The following SLC10A7 variants were observed in gnomAD, a reference collection of about 807,000 sequenced individuals.
The protein encoded by SLC10A7 is sodium/bile acid cotransporter 7.
SLC10A7 carries 29 observed loss-of-function variants against 43.2 expected under a neutral mutation model. That is an observed-to-expected ratio of 0.67 (90% confidence interval 0.50 to 0.92). The LOEUF (loss-of-function observed/expected upper bound fraction) is 0.92, where lower values mean the gene tolerates loss of function less well. Among genes scored for constraint, SLC10A7 ranks in the 40% least tolerant of loss-of-function variants. The pLI, the probability that SLC10A7 is intolerant of heterozygous loss-of-function variation, is 0.00. For missense variants in SLC10A7, 295 were observed against 403.2 expected, an observed-to-expected ratio of 0.73 and a Z score of 2.30; for synonymous variants, 152 against 144.8, an observed-to-expected ratio of 1.05 and a Z score of -0.35.
chr4:146,333,620 C>A (rs1274335147), intron 5 of SLC10A7, among the ~76,000 whole-genome samples: 1 of 152,064 alleles, frequency 6.6e-6, no homozygotes, highest in Non-Finnish European at 1.5e-5. Flanking sequence ...CATATAGAAA[C>A]TGAAAGCGAA....
At chr4:146,301,662 G>A (rs564331756) in intron 7 of SLC10A7, among the ~76,000 whole-genome samples, 35 of 152,296 alleles carry the variant, frequency 2.3e-4, no homozygotes, top group African/African-American at 7.9e-4. Flanking sequence ...CAAGGGCCAG[G>A]TGTGAAAGAT....
At chr4:146,505,075 C>A (rs954463426) in intron 3 of SLC10A7, among the ~76,000 whole-genome samples, 1 of 152,144 alleles carries the variant, frequency 6.6e-6, no homozygotes, top group African/African-American at 2.4e-5. Flanking sequence ...ATAGATGACA[C>A]AGAGTATCTG....
chr4:146,434,688 T>C (rs1183384251), intron 5 of SLC10A7, among the ~76,000 whole-genome samples: 1 of 152,140 alleles, frequency 6.6e-6, no homozygotes, highest in East Asian at 1.9e-4. Context: ...CTCAGTCTCC[T>C]GAGTAGCTGG....
chr4:146,392,452 G>A (rs1738505304), intron 5 of SLC10A7, among the ~76,000 whole-genome samples: 1 of 151,782 alleles, frequency 6.6e-6, no homozygotes, highest in African/African-American at 2.4e-5. Flanking sequence ...TATATGTGTG[G>A]GTCTATATAT....
chr4:146,272,669 C>T (rs910914569), intron 10 of SLC10A7, among the ~76,000 whole-genome samples: 6 of 152,078 alleles, frequency 3.9e-5, no homozygotes, highest in African/African-American at 9.7e-5. Flanking sequence ...TGTTTTTTAT[C>T]GATCTCTGTT....
At chr4:146,497,709 A>T (rs1364222045) in intron 4 of SLC10A7, among the ~76,000 whole-genome samples, 1 of 152,208 alleles carries the variant, frequency 6.6e-6, no homozygotes, top group Non-Finnish European at 1.5e-5. Flanking sequence ...ACCATAGAGA[A>T]ATGAAATAGT....
chr4:146,356,990 C>T (rs1735698944), intron 5 of SLC10A7, among the ~76,000 whole-genome samples: 1 of 152,118 alleles, frequency 6.6e-6, no homozygotes, highest in South Asian at 2.1e-4. Context: ...TATAATGAAT[C>T]CTATAGCCCT....
chr4:146,453,065 C>A (rs1731734767), intron 4 of SLC10A7, among the ~76,000 whole-genome samples: 1 of 151,278 alleles, frequency 6.6e-6, no homozygotes, highest in African/African-American at 2.4e-5. Context: ...ATACAATCTT[C>A]AAGTTAAGAG....
At chr4:146,453,659 T>C (rs756649088) in intron 4 of SLC10A7, among the ~76,000 whole-genome samples, 2 of 151,970 alleles carry the variant, frequency 1.3e-5, no homozygotes, top group Admixed American at 1.3e-4. Flanking sequence ...AAAAGGCACA[T>C]ATATTCAGAT....
chr4:146,470,929 C>T (rs952284357), intron 4 of SLC10A7, among the ~76,000 whole-genome samples: 1 of 152,164 alleles, frequency 6.6e-6, no homozygotes, highest in African/African-American at 2.4e-5. Flanking sequence ...ACATATATCA[C>T]TTCATGCAAT....
intron 1 of SLC10A7, 92 bp downstream of exon 1, chr4:146,521,526 G>C: frequency 9.5e-7 from 1 of 1,052,940 alleles, no homozygotes; most frequent in Admixed American, 2.3e-5. Flanking sequence ...ATTGGCAAGC[G>C]CTTGCAATGA....
chr4:146,512,151 T>A (rs1737543526), intron 2 of SLC10A7, among the ~76,000 whole-genome samples: 1 of 151,774 alleles, frequency 6.6e-6, no homozygotes, highest in South Asian at 2.1e-4. Flanking sequence ...TTTTTGTATT[T>A]TGAGTAGAGA....
intron 4 of SLC10A7, among the ~76,000 whole-genome samples, chr4:146,458,779 T>C (rs1732293682): frequency 6.6e-6 from 1 of 151,886 alleles, no homozygotes; most frequent in South Asian, 2.1e-4. Context: ...GGCTTGTGTG[T>C]AACAATCTGT....
At position 146,501,298 on chromosome 4, in the gene SLC10A7, T is replaced by C. The variant is rs562705759; in HGVS notation, c.396+2551A>G. Among the ~76,000 whole-genome samples, 24 of 152,364 alleles carry C rather than the reference T, an allele frequency of 1.6e-4. No individual in the cohort carries two copies. In the East Asian group the frequency reaches 3.3e-3, roughly 21 times the overall value. ...TCGTTAGTATGTCCACTTGGATATA[T>C]AATAGGCATCTTAGTACATCAAAAA... is the stretch of plus-strand genomic sequence containing the variant. On this transcript the variant is annotated intron_variant, in intron 4 of 11. Transcript: ENST00000335472.
chr4:146,521,511 C>T, intron 1 of SLC10A7, 107 bp downstream of exon 1: 1 of 901,794 alleles, frequency 1.1e-6, no homozygotes, highest in Non-Finnish European at 1.7e-6. Flanking sequence ...TCAGTGCCCC[C>T]TGAAATTGGC....
chr4:146,384,906 A>C (rs898097214), intron 5 of SLC10A7, among the ~76,000 whole-genome samples: 12 of 152,056 alleles, frequency 7.9e-5, no homozygotes, highest in Admixed American at 1.3e-4. Flanking sequence ...GTATTTAAGA[A>C]TATATTTTTT....
intron 4 of SLC10A7, among the ~76,000 whole-genome samples, chr4:146,496,372 T>A (rs547299588): frequency 6.6e-6 from 1 of 152,168 alleles, no homozygotes; most frequent in Non-Finnish European, 1.5e-5. Context: ...AAAAGCAAGA[T>A]GGTCTCCCTA....
At chr4:146,476,557 C>A (rs1451006322) in intron 4 of SLC10A7, among the ~76,000 whole-genome samples, 2 of 151,992 alleles carry the variant, frequency 1.3e-5, no homozygotes, top group Non-Finnish European at 1.5e-5. Context: ...GTGGAGTTAC[C>A]TGAAGAGGAG....
intron 10 of SLC10A7, among the ~76,000 whole-genome samples, chr4:146,262,423 C>T (rs1182157623): frequency 6.6e-6 from 1 of 152,310 alleles, no homozygotes; most frequent in Non-Finnish European, 1.5e-5. Flanking sequence ...AGGTTGAGAA[C>T]CTGCTAAAAG....
Sources: gnomAD v4.1 joint callset for allele counts (sites outside exome capture counted in the v4.1 genomes callset) on GRCh38, gnomAD v4.1.1 for gene constraint, MANE v1.5 for transcripts, NCBI Gene and HGNC (gene_info 2026-07-23, HGNC 2026-07-21) for gene names.